ZNF559: variants seen among roughly 807,000 people sequenced by gnomAD.
ZNF559 encodes the protein putative protein product of Nbla00121.
In ZNF559, 17 loss-of-function variants were observed where a neutral mutation model predicts 14.2. The observed-to-expected ratio is 1.20, with a 90% confidence interval of 0.82 to 1.80. ZNF559 has a LOEUF of 1.80. ZNF559 is among the 40% of genes most tolerant of loss of function. The pLI, the probability that ZNF559 is intolerant of heterozygous loss-of-function variation, is 0.00. For synonymous variants in ZNF559, 244 were observed against 212.4 expected (o/e 1.15, Z -1.29); for missense variants, 740 against 629.7 (o/e 1.18, Z -1.88).
At position 9,342,095 on chromosome 19, in the gene ZNF559, A is replaced by G. The variant is rs2067610292; in HGVS notation, c.644A>G (p.His215Arg). Reference protein sequence around the residue: ...RIYGGERPYTHKEYVETFSHS... With the variant: ...RIYGGERPYTRKEYVETFSHS... ...TATGGTGGAGAGAGACCATATACTC[A>G]TAAGGAGTATGTCGAAACCTTTTCT... Residue 215 changes from histidine to arginine, a missense_variant, in exon 7 of 7, where the codon CAT (histidine) becomes CGT (arginine). Transcript: ENST00000603380. The G allele has an allele frequency of 6.2e-7, 1 of 1,613,418 alleles. No individual in the cohort carries two copies. The highest frequency in any genetic ancestry group is 8.5e-7 in the Non-Finnish European group (1 of 1,179,802).
chr19:9,334,088 T>A (rs2067092618), intron 2 of ZNF559, among the ~76,000 whole-genome samples: 1 of 152,238 alleles, frequency 6.6e-6, no homozygotes, highest in Non-Finnish European at 1.5e-5. Flanking sequence ...GTGTTCCAAA[T>A]TTGAATGTAA....
intron 2 of ZNF559, among the ~76,000 whole-genome samples, chr19:9,331,489 A>C (rs2066932618): frequency 6.6e-6 from 1 of 152,234 alleles, no homozygotes; most frequent in African/African-American, 2.4e-5. Context: ...AAAGGACAGC[A>C]GGAGCCCCTA....
intron 2 of ZNF559, among the ~76,000 whole-genome samples, chr19:9,329,757 G>A (rs559883027): frequency 3.4e-3 from 523 of 152,174 alleles, no homozygotes; most frequent in Non-Finnish European, 5.9e-3. Context: ...TCCACCTCCC[G>A]GGTTCAAGCA....
chr19:9,343,735 T>G lies in ZNF559; in HGVS notation c.*667T>G. On this transcript the variant is annotated 3_prime_UTR_variant, in exon 7 of 7. Coordinates refer to ENST00000603380, the MANE Select transcript of ZNF559 (RefSeq NM_032497.3). Reference sequence around the variant, plus strand: ...TGGAAGGTCAAAAAGGCTGTATTAATTTACATGCAAAAAGTCACACTAGAG... The same window carrying G: ...TGGAAGGTCAAAAAGGCTGTATTAAGTTACATGCAAAAAGTCACACTAGAG... The G allele has an allele frequency of 2.0e-6, 2 of 986,014 alleles. No homozygotes were observed. The highest frequency in any genetic ancestry group is 2.4e-6 in the Non-Finnish European group (2 of 830,388). 61.1% of individuals were successfully genotyped at this position (986,014 alleles called of 1,614,324 possible).
At chr19:9,327,940 A>G (rs1015757169) in intron 2 of ZNF559, among the ~76,000 whole-genome samples, 62 of 152,198 alleles carry the variant, frequency 4.1e-4, no homozygotes, top group African/African-American at 1.5e-3. Context: ...CCTGGAATCA[A>G]TGATTGCTCC....
At chr19:9,340,624 T>C (rs2067520321) in intron 5 of ZNF559, among the ~76,000 whole-genome samples, 2 of 146,868 alleles carry the variant, frequency 1.4e-5, no homozygotes, top group African/African-American at 5.1e-5. Context: ...TGAAATGCAG[T>C]GGCGCGATCT....
At chr19:9,325,917 G>A (rs1038229110) in intron 2 of ZNF559, among the ~76,000 whole-genome samples, 11 of 151,794 alleles carry the variant, frequency 7.2e-5, no homozygotes, top group African/African-American at 2.4e-4. Context: ...CCTTTTAAGC[G>A]TGTATCTCAA....
In ZNF559 at chr19:9,324,677, G is replaced by A. The variant is rs1037171230; in HGVS notation, c.-205-18G>A. On this transcript the variant is annotated intron_variant, in intron 1 of 6. Coordinates refer to ENST00000603380, the MANE Select transcript of ZNF559 (RefSeq NM_032497.3). Reference sequence around the variant, plus strand: ...AAAAAAAGTCTCCACATCCAGCGTTGTGCCTTTTCTCTATAAGGAACAGCA... The same window carrying A: ...AAAAAAAGTCTCCACATCCAGCGTTATGCCTTTTCTCTATAAGGAACAGCA... The A allele has an allele frequency of 4.0e-6, 6 of 1,484,388 alleles. No homozygotes were observed. Among genetic ancestry groups the A allele is most frequent in the Middle Eastern group, 3.4e-4 (2 of 5,864 alleles). 92.0% of individuals were successfully genotyped at this position (1,484,388 alleles called of 1,614,324 possible). A position where few individuals can be genotyped will look rare whatever the true frequency, so the allele number is the denominator to read the frequency against.
chr19:9,324,180 T>G lies in ZNF559; in HGVS notation c.-254T>G, dbSNP rs1038127445. 1 of 1,536,038 alleles carries G rather than the reference T, an allele frequency of 6.5e-7. No homozygotes were observed. Reference sequence around the variant, plus strand: ...TGCGCGGCGTGTCTGCGTGGGCGCATGCGCATAACGGCCGCCATCTTAACA... The same window carrying G: ...TGCGCGGCGTGTCTGCGTGGGCGCAGGCGCATAACGGCCGCCATCTTAACA... On this transcript the variant is annotated 5_prime_UTR_variant, in exon 1 of 7. It removes an upstream start codon present in the reference 5' UTR. Transcript: ENST00000603380.
At chr19:9,335,042 A>G (rs1029973944) in intron 2 of ZNF559, among the ~76,000 whole-genome samples, 5 of 151,992 alleles carry the variant, frequency 3.3e-5, no homozygotes, top group Non-Finnish European at 7.4e-5. Context: ...AGGCTGAGGC[A>G]AGAGAATGGC....
chr19:9,343,648 G>C lies in ZNF559; in HGVS notation c.*580G>C, dbSNP rs985263058. 17 of 988,066 alleles carry C rather than the reference G, an allele frequency of 1.7e-5. No homozygotes were observed. The highest frequency in any genetic ancestry group is 1.7e-5 in the African/African-American group (1 of 57,262). 61.2% of individuals were successfully genotyped at this position (988,066 alleles called of 1,614,324 possible). ...GAGAAGTCCCATGAGTGAAAGAGATGTTGGAAAGCCCTTGAACTTGGTCGT... is the reference window on the plus strand; with the variant it reads ...GAGAAGTCCCATGAGTGAAAGAGATCTTGGAAAGCCCTTGAACTTGGTCGT... On this transcript the variant is annotated 3_prime_UTR_variant, in exon 7 of 7. Transcript: ENST00000603380.
In ZNF559 at chr19:9,333,767, A is replaced by G. The variant is rs182726110; in HGVS notation, c.-119-4029A>G. On this transcript the variant is annotated intron_variant, in intron 2 of 6. Coordinates refer to ENST00000603380, the MANE Select transcript of ZNF559 (RefSeq NM_032497.3). Reference sequence around the variant, plus strand: ...TGTAACTGACAAAAAAAAAAAGGCTAATATCCAAAATACATTAAGAACTCT... The same window carrying G: ...TGTAACTGACAAAAAAAAAAAGGCTGATATCCAAAATACATTAAGAACTCT... Among the ~76,000 whole-genome samples, 297 of 152,046 alleles carry G rather than the reference A, an allele frequency of 2.0e-3. 1 individual carries two copies. Among genetic ancestry groups the G allele is most frequent in the African/African-American group, 6.9e-3 (285 of 41,470 alleles).
rs1045251709 is a variant in ZNF559, at chr19:9,343,720, A to G, written c.*652A>G. 5 of 986,270 alleles carry G rather than the reference A, an allele frequency of 5.1e-6. No individual in the cohort carries two copies. The highest frequency in any genetic ancestry group is 5.2e-4 in the Middle Eastern group (1 of 1,914). 61.1% of individuals were successfully genotyped at this position (986,270 alleles called of 1,614,324 possible). A position where few individuals can be genotyped will look rare whatever the true frequency, so the allele number is the denominator to read the frequency against. On this transcript the variant is annotated 3_prime_UTR_variant, in exon 7 of 7. Transcript: ENST00000603380. The stretch of plus-strand genomic sequence containing the variant: ...AGGAACCTGACTGTATGGAAGGTCA[A>G]AAAGGCTGTATTAATTTACATGCAA...
chr19:9,325,119 C>T (rs1305461372), intron 2 of ZNF559, among the ~76,000 whole-genome samples: 1 of 152,244 alleles, frequency 6.6e-6, no homozygotes, highest in East Asian at 1.9e-4. Flanking sequence ...TAACTTTTGA[C>T]AGGTGGGTTT....
At chr19:9,335,053 G>A (rs565032441) in intron 2 of ZNF559, among the ~76,000 whole-genome samples, 4 of 151,814 alleles carry the variant, frequency 2.6e-5, no homozygotes, top group Non-Finnish European at 4.4e-5. Flanking sequence ...AGAGAATGGC[G>A]TGAACGCGGG....
At chr19:9,326,350 C>G (rs571333137) in intron 2 of ZNF559, among the ~76,000 whole-genome samples, 8 of 152,208 alleles carry the variant, frequency 5.3e-5, no homozygotes, top group Non-Finnish European at 1.0e-4. Context: ...CGTGATCTGC[C>G]GGCCTTGGCC....
chr19:9,337,682 AT>A, intron 2 of ZNF559, 113 bp from the exon 3 acceptor site: 2 of 672,292 alleles, frequency 3.0e-6, no homozygotes, highest in South Asian at 2.4e-5. Context: ...ATATGAACTT[AT>A]CCTACCACTG....
chr19:9,326,297 G>A (rs1033556660), intron 2 of ZNF559, among the ~76,000 whole-genome samples: 1 of 151,966 alleles, frequency 6.6e-6, no homozygotes, highest in Non-Finnish European at 1.5e-5. Flanking sequence ...AGTAGAGACA[G>A]GGTTTCACCG....
chr19:9,328,718 G>A (rs1242044307), intron 2 of ZNF559, among the ~76,000 whole-genome samples: 1 of 152,152 alleles, frequency 6.6e-6, no homozygotes, highest in African/African-American at 2.4e-5. Context: ...AAGTAGGGCT[G>A]TATAAAGGGG....
Sources: gnomAD v4.1 joint callset for allele counts (sites outside exome capture counted in the v4.1 genomes callset) on GRCh38, gnomAD v4.1.1 for gene constraint, MANE v1.5 for transcripts, NCBI Gene and HGNC (gene_info 2026-07-23, HGNC 2026-07-21) for gene names.